IGSF21: variants seen among roughly 807,000 people sequenced by gnomAD.
IGSF21 encodes the protein immunoglobulin superfamily member 21.
Under a neutral mutation model 46.8 loss-of-function variants are expected in IGSF21, and 28 were observed. That is an observed-to-expected ratio of 0.60 (90% CI 0.44 to 0.82). The LOEUF is 0.82. Ranked by LOEUF, IGSF21 falls within the 40% of genes least tolerant of loss-of-function variation. The pLI, the probability that IGSF21 is intolerant of heterozygous loss-of-function variation, is 0.00. For missense variants in IGSF21, 624 were observed against 665.5 expected, an observed-to-expected ratio of 0.94 and a Z score of 0.69; for synonymous variants, 284 against 273.6, an observed-to-expected ratio of 1.04 and a Z score of -0.38.
intron 1 of IGSF21, among the ~76,000 whole-genome samples, chr1:18,161,575 C>A (rs556450193): frequency 1.3e-5 from 2 of 152,142 alleles, no homozygotes; most frequent in Non-Finnish European, 2.9e-5. Flanking sequence ...AGTATCCCAC[C>A]GGTGACAGGA....
In IGSF21 at chr1:18,340,953, C is replaced by T. The variant is rs142003019; in HGVS notation, c.424+5943C>T. On this transcript the variant is annotated intron_variant, in intron 4 of 9. Coordinates refer to ENST00000251296, the MANE Select transcript of IGSF21 (RefSeq NM_032880.5). ...TTCCTCCTCTTCTCCGTCCTCCTCC[C>T]CCTCCCCCTCCTTCTTCTCCTTCTT... Among the ~76,000 whole-genome samples, 24 of 145,960 alleles carry T rather than the reference C, an allele frequency of 1.6e-4. No individual in the cohort carries two copies. The East Asian group carries it at 4.5e-3, about 28-fold the overall frequency.
chr1:18,229,339 G>C (rs1296833713), intron 2 of IGSF21, among the ~76,000 whole-genome samples: 1 of 152,204 alleles, frequency 6.6e-6, no homozygotes, highest in African/African-American at 2.4e-5. Context: ...CTCAGTGTTA[G>C]AGGAATCCCT....
At chr1:18,274,297 G>T (rs74056577) in intron 2 of IGSF21, among the ~76,000 whole-genome samples, 2,782 of 152,298 alleles carry the variant, frequency 0.018, 105 homozygotes, top group African/African-American at 0.063. Context: ...TAGCCTCTTA[G>T]CCTGGGCTCA....
intron 1 of IGSF21, among the ~76,000 whole-genome samples, chr1:18,130,595 G>A (rs920411338): frequency 2.6e-5 from 4 of 152,162 alleles, no homozygotes; most frequent in African/African-American, 9.7e-5. Context: ...GGTAAACTGA[G>A]GAACTCAGAA....
At chr1:18,198,743 G>T (rs921838850) in intron 1 of IGSF21, among the ~76,000 whole-genome samples, 2 of 152,198 alleles carry the variant, frequency 1.3e-5, no homozygotes, top group African/African-American at 2.4e-5. Flanking sequence ...GTGGAACTGG[G>T]CTGGGTCATC....
intron 1 of IGSF21, chr1:18,113,469 G>A (rs558914738): frequency 1.3e-5 from 2 of 152,192 alleles, no homozygotes; most frequent in Admixed American, 6.5e-5. Context: ...TGGCTTGGGG[G>A]TGGGGTTTTT....
At chr1:18,111,617 T>G (rs2086145765) in intron 1 of IGSF21, 1 of 152,208 alleles carries the variant, frequency 6.6e-6, no homozygotes, top group Non-Finnish European at 1.5e-5. Context: ...GCTAGTATTG[T>G]AGCTGGGGTT....
chr1:18,228,010 G>C lies in IGSF21; in HGVS notation c.183G>C (p.Arg61=). ...DGRMREIVWY[R]VTDGGTIKQK... Reference sequence around the variant, plus strand: ...GCATGCGGGAGATCGTGTGGTACCGGGTAAGTCACTACTACTGCCCCCTTC... The same window carrying C: ...GCATGCGGGAGATCGTGTGGTACCGCGTAAGTCACTACTACTGCCCCCTTC... Residue 61 remains arginine (R), a splice_region_variant and synonymous_variant, in exon 2 of 10, where the codon CGG becomes CGC. Transcript: ENST00000251296. The C allele has an allele frequency of 1.9e-6, 3 of 1,611,188 alleles. No homozygotes were observed. The highest frequency in any genetic ancestry group is 2.5e-6 in the Non-Finnish European group (3 of 1,177,414).
intron 1 of IGSF21, among the ~76,000 whole-genome samples, chr1:18,188,522 G>A (rs187547511): frequency 1.5e-3 from 232 of 152,298 alleles, no homozygotes; most frequent in African/African-American, 5.3e-3. Flanking sequence ...AGAAAGCAGA[G>A]GAGGTAAATT....
rs150149083 is a variant in IGSF21, at chr1:18,334,278, C to T, written c.306-614C>T. 1.4e-4 allele frequency among the ~76,000 whole-genome samples: 22 copies of T among 152,300 alleles called. No homozygotes were observed. Among genetic ancestry groups the T allele is most frequent in the South Asian group, 1.2e-3 (6 of 4,826 alleles). On this transcript the variant is annotated intron_variant, in intron 3 of 9. Transcript: ENST00000251296. The surrounding 1 kb of genome is among the most constrained non-coding windows in gnomAD (Gnocchi z 4.3). ...CAGATCAGCTTCTCTACCTCCTTGTCTACTGGGATGGGGGCTCCTTTGGGA... is the reference window on the plus strand; with the variant it reads ...CAGATCAGCTTCTCTACCTCCTTGTTTACTGGGATGGGGGCTCCTTTGGGA...
At chr1:18,377,664 A>C (rs1356194994) in intron 9 of IGSF21, among the ~76,000 whole-genome samples, 1 of 152,208 alleles carries the variant, frequency 6.6e-6, no homozygotes, top group Admixed American at 6.5e-5. Flanking sequence ...TTCCAGGGCC[A>C]ACTCTGCCCC....
At position 18,337,582 on chromosome 1, in the gene IGSF21, C is replaced by T. The variant is rs1297726936; in HGVS notation, c.424+2572C>T. On this transcript the variant is annotated intron_variant, in intron 4 of 9. Coordinates refer to ENST00000251296, the MANE Select transcript of IGSF21 (RefSeq NM_032880.5). This position sits in a 1 kb window ranked among gnomAD's most constrained non-coding sequence, Gnocchi z 5.7. ...GCTCTGGGAACACAGCTTCACGCAC[C>T]GTGGCAACCTGGAAGCCAGGGTGTG... Among the ~76,000 whole-genome samples the T allele has an allele frequency of 6.6e-6, 1 of 152,102 alleles. No homozygotes were observed. The highest frequency in any genetic ancestry group is 2.4e-5 in the African/African-American group (1 of 41,396).
At chr1:18,138,561 G>A (rs1313033881) in intron 1 of IGSF21, among the ~76,000 whole-genome samples, 2 of 152,160 alleles carry the variant, frequency 1.3e-5, no homozygotes, top group African/African-American at 4.8e-5. Flanking sequence ...CAACTGATGC[G>A]GTTTTCACTT....
At chr1:18,353,899 G>A (rs1426613030) in intron 4 of IGSF21, among the ~76,000 whole-genome samples, 2 of 152,210 alleles carry the variant, frequency 1.3e-5, no homozygotes, top group Non-Finnish European at 2.9e-5. Flanking sequence ...TTCCACAGAT[G>A]GGCTATGTGC....
At chr1:18,282,431 A>C (rs552879117) in intron 2 of IGSF21, among the ~76,000 whole-genome samples, 3 of 152,068 alleles carry the variant, frequency 2.0e-5, no homozygotes, top group African/African-American at 7.2e-5. Context: ...TAGCCCCTAA[A>C]GCATGAAGCG....
At chr1:18,257,392 T>C (rs560955313) in intron 2 of IGSF21, among the ~76,000 whole-genome samples, 11 of 152,304 alleles carry the variant, frequency 7.2e-5, no homozygotes, top group Middle Eastern at 3.4e-3. Context: ...GTAATGGCAA[T>C]ACATTACTCT....
chr1:18,248,423 T>A (rs2084804724), intron 2 of IGSF21, among the ~76,000 whole-genome samples: 1 of 152,204 alleles, frequency 6.6e-6, no homozygotes, highest in Non-Finnish European at 1.5e-5. Flanking sequence ...ATTGATAGAT[T>A]GCCTTTGTAG....
chr1:18,178,147 T>G (rs1183936072), intron 1 of IGSF21, among the ~76,000 whole-genome samples: 1 of 152,058 alleles, frequency 6.6e-6, no homozygotes, highest in Non-Finnish European at 1.5e-5. Flanking sequence ...AAAGGGAGTG[T>G]CAGACACTGT....
At chr1:18,198,831 A>AG (rs1223323723) in intron 1 of IGSF21, among the ~76,000 whole-genome samples, 1 of 152,116 alleles carries the variant, frequency 6.6e-6, no homozygotes, top group Non-Finnish European at 1.5e-5. Context: ...GGATCTAATA[A>AG]GGTCGTGGGA....
Sources: allele counts gnomAD v4.1 joint callset (sites outside exome capture counted in the v4.1 genomes callset), GRCh38; gene constraint gnomAD v4.1.1; non-coding constraint Gnocchi (gnomAD v3.1); transcripts MANE v1.5; gene names NCBI Gene and HGNC (gene_info 2026-07-23, HGNC 2026-07-21).